The following SEPTIN8 variants were observed in gnomAD, a reference collection of about 807,000 sequenced individuals.
SEPTIN8 encodes septin-8.
Under a neutral mutation model 53.1 loss-of-function variants are expected in SEPTIN8, and 22 were observed. The observed-to-expected ratio is 0.41, with a 90% CI of 0.30 to 0.59. SEPTIN8 has a LOEUF of 0.59. Among genes scored for constraint, SEPTIN8 ranks in the 20% least tolerant of loss-of-function variants. The pLI is 0.24. For synonymous variants in SEPTIN8, 228 were observed against 248.4 expected (o/e 0.92, Z 0.77); for missense variants, 536 against 638.7 (o/e 0.84, Z 1.73).
intron 1 of SEPTIN8, among the ~76,000 whole-genome samples, chr5:132,770,075 ATATATG>A (rs1246601294): frequency 1.7e-5 from 1 of 60,176 alleles, no homozygotes; most frequent in Non-Finnish European, 2.3e-5. Flanking sequence ...ATATATATAT[ATATATG>A]TATATATGTA....
intron 1 of SEPTIN8, among the ~76,000 whole-genome samples, chr5:132,770,008 T>TACAC (rs1267557169): frequency 2.3e-4 from 12 of 52,216 alleles, no homozygotes; most frequent in African/African-American, 9.0e-4. Flanking sequence ...TATATATATA[T>TACAC]ATATATATAT....
At position 132,776,965 on chromosome 5, in the gene SEPTIN8, G is replaced by T. The variant is rs1757860823; in HGVS notation, c.30+143C>A. 4 of 413,172 alleles carry T rather than the reference G, an allele frequency of 9.7e-6. No individual in the cohort carries two copies. Among genetic ancestry groups the T allele is most frequent in the Non-Finnish European group, 7.1e-6 (2 of 280,026 alleles). The allele number at this position is 413,172 out of a possible 1,614,324, so 25.6% of individuals were successfully genotyped here. On this transcript the variant is annotated intron_variant, in intron 1 of 9. Transcript: ENST00000378719. The surrounding 1 kb of genome is among the most constrained non-coding windows in gnomAD (Gnocchi z 4.4). ...CCCCCGATAGCGCGGCCGAGAGCCC[G>T]CGCCGGGGTCCTCGAGCTGGCCCGG...
intron 9 of SEPTIN8, chr5:132,756,375 C>G: frequency 1.0e-6 from 1 of 984,282 alleles, no homozygotes; most frequent in Non-Finnish European, 1.2e-6. Context: ...CCAATTTGGG[C>G]AACGAATTAT....
At position 132,769,651 on chromosome 5, in the gene SEPTIN8, C is replaced by A. The variant is rs145304428; in HGVS notation, c.31-4122G>T. Among the ~76,000 whole-genome samples, 3 of 152,124 alleles carry A rather than the reference C, an allele frequency of 2.0e-5. No individual in the cohort carries two copies. In the East Asian group the frequency reaches 5.8e-4, roughly 29 times the overall value. ...CAGCCTCCCCATTGTCTAGATGAGA[C>A]AATAGAGGCATCAAGAGAGTGTGTA... On this transcript the variant is annotated intron_variant, in intron 1 of 9. Transcript: ENST00000378719.
chr5:132,774,785 C>T lies in SEPTIN8; in HGVS notation c.30+2323G>A, dbSNP rs895964165. The stretch of plus-strand genomic sequence containing the variant: ...TAGACCTGTCATGGCTCCATCACAT[C>T]CTGGGGCTTGCGAGACACCTCAGCA... On this transcript the variant is annotated intron_variant, in intron 1 of 9. Transcript: ENST00000378719. 7.9e-5 allele frequency among the ~76,000 whole-genome samples: 12 copies of T among 152,174 alleles called. 1 individual carries two copies. The highest frequency in any genetic ancestry group is 1.5e-4 in the Non-Finnish European group (10 of 68,028).
In SEPTIN8 at chr5:132,751,675, G is replaced by T. The variant is rs756086309; in HGVS notation, c.*341C>A. 17 of 517,700 alleles carry T rather than the reference G, an allele frequency of 3.3e-5. No homozygotes were observed. The highest frequency in any genetic ancestry group is 5.8e-5 in the African/African-American group (3 of 51,534). The allele number at this position is 517,700 out of a possible 1,614,324, so 32.1% of individuals were successfully genotyped here. A position where few individuals can be genotyped will look rare whatever the true frequency, so the allele number is the denominator to read the frequency against. On this transcript the variant is annotated 3_prime_UTR_variant, in exon 10 of 10. Coordinates refer to ENST00000378719, the MANE Select transcript of SEPTIN8 (RefSeq NM_001098811.2). ...TTTTCTGCTACCTTGGTCTTGAATA[G>T]TATGTTTCTATTTTTCAGAATGGAA...
At chr5:132,757,962 G>A (rs1188994288) in intron 9 of SEPTIN8, 18 of 986,176 alleles carry the variant, frequency 1.8e-5, no homozygotes, top group Non-Finnish European at 2.2e-5. Flanking sequence ...GGATTTGCTT[G>A]GGAGTCTTAA....
Position 132,751,163 on chromosome 5 carries a change from C to G in SEPTIN8, c.*853G>C. The stretch of plus-strand genomic sequence containing the variant: ...GACATACGGAAGAGTGAAAAGGTAT[C>G]TTAAATCCAACACAGTTCCACCAGA... On this transcript the variant is annotated 3_prime_UTR_variant, in exon 10 of 10. Coordinates refer to ENST00000378719, the MANE Select transcript of SEPTIN8 (RefSeq NM_001098811.2). 1.5e-6 allele frequency: 1 copy of G among 655,352 alleles called. No individual in the cohort carries two copies. The highest frequency in any genetic ancestry group is 2.4e-6 in the Non-Finnish European group (1 of 413,738). The allele number at this position is 655,352 out of a possible 1,614,324, so 40.6% of individuals were successfully genotyped here.
chr5:132,751,108 C>T lies in SEPTIN8; in HGVS notation c.*908G>A, dbSNP rs765926958. 2 of 1,253,428 alleles carry T rather than the reference C, an allele frequency of 1.6e-6. No homozygotes were observed. The highest frequency in any genetic ancestry group is 3.0e-5 in the African/African-American group (2 of 67,484). The allele number at this position is 1,253,428 out of a possible 1,614,324, so 77.6% of individuals were successfully genotyped here. On this transcript the variant is annotated 3_prime_UTR_variant, in exon 10 of 10. Coordinates refer to ENST00000378719, the MANE Select transcript of SEPTIN8 (RefSeq NM_001098811.2). Reference sequence around the variant, plus strand: ...AGGCGTGCACACGCCCTTGCACATGCACCACAGTGAGGTGACGCACAAGGC... The same window carrying T: ...AGGCGTGCACACGCCCTTGCACATGTACCACAGTGAGGTGACGCACAAGGC...
rs1193487460 is a variant in SEPTIN8 at position 132,764,370 on chromosome 5, C to T, written c.201G>A (p.Thr67=). The T allele has an allele frequency of 3.7e-6, 6 of 1,614,014 alleles. No individual in the cohort carries two copies. Among genetic ancestry groups the T allele is most frequent in the South Asian group, 1.1e-5 (1 of 91,070 alleles). Reference sequence around the variant, plus strand: ...GACTGGCTTCCTCAGTCTCGAAGGTCGTGTTGAAGAGTGTGTTCATCAGTG... The same window carrying T: ...GACTGGCTTCCTCAGTCTCGAAGGTTGTGTTGAAGAGTGTGTTCATCAGTG... ...KSTLMNTLFN[T]TFETEEASHH... is the part of the protein sequence containing the mutation. Residue 67 remains threonine, a synonymous_variant, in exon 3 of 10, where the codon ACG becomes ACA. Transcript: ENST00000378719.
chr5:132,776,333 G>A lies in SEPTIN8; in HGVS notation c.30+775C>T, dbSNP rs932255454. Among the ~76,000 whole-genome samples the A allele has an allele frequency of 2.6e-5, 4 of 152,294 alleles. No individual in the cohort carries two copies. The South Asian group carries it at 8.3e-4, about 32-fold the overall frequency. On this transcript the variant is annotated intron_variant, in intron 1 of 9. Transcript: ENST00000378719. The surrounding 1 kb of genome is among the most constrained non-coding windows in gnomAD (Gnocchi z 4.4). ...AACCCCCCAAAGGCCTCCCTCCCGC[G>A]AGTGAATTATGAAAGCCTTTAGTAA...
rs377278808 is a variant in SEPTIN8 at position 132,752,913 on chromosome 5, A to G, written c.1287-732T>C. On this transcript the variant is annotated intron_variant, in intron 9 of 9. Transcript: ENST00000378719. ...GCTGCAAGGAACTTGTAATGCAGCAACTGAGAAGTCTTCAGTCATCCTCCT... is the reference window on the plus strand; with the variant it reads ...GCTGCAAGGAACTTGTAATGCAGCAGCTGAGAAGTCTTCAGTCATCCTCCT... 1.4e-5 allele frequency: 22 copies of G among 1,614,074 alleles called. No individual in the cohort carries two copies. The African/African-American group carries it at 2.9e-4, about 22-fold the overall frequency.
At chr5:132,758,688 A>G in intron 9 of SEPTIN8, 2 of 1,600,152 alleles carry the variant, frequency 1.2e-6, no homozygotes, top group Non-Finnish European at 1.7e-6. Context: ...CAAGGCTGTA[A>G]ACACTGGAGT....
At chr5:132,768,514 A>G (rs904516259) in intron 1 of SEPTIN8, among the ~76,000 whole-genome samples, 2 of 152,236 alleles carry the variant, frequency 1.3e-5, no homozygotes, top group African/African-American at 4.8e-5. Flanking sequence ...TGCTCCAGGC[A>G]TCTCTACCAA....
chr5:132,764,464 G>A lies in SEPTIN8; in HGVS notation c.152-45C>T, dbSNP rs191247046. On this transcript the variant is annotated intron_variant, in intron 2 of 9. Coordinates refer to ENST00000378719, the MANE Select transcript of SEPTIN8 (RefSeq NM_001098811.2). ...GGGGAAGAAGTGGGTGTCATAGGCTGGAAATGGGCTGTCCTTGACTGGTGG... is the reference window on the plus strand; with the variant it reads ...GGGGAAGAAGTGGGTGTCATAGGCTAGAAATGGGCTGTCCTTGACTGGTGG... 209 of 1,525,190 alleles carry A rather than the reference G, an allele frequency of 1.4e-4. 1 individual carries two copies. The African/African-American group carries it at 2.6e-3, about 19-fold the overall frequency. 94.5% of individuals were successfully genotyped at this position (1,525,190 alleles called of 1,614,324 possible).
chr5:132,758,026 G>A (rs1755503667), intron 9 of SEPTIN8: 5 of 990,194 alleles, frequency 5.0e-6, no homozygotes, highest in Non-Finnish European at 6.0e-6. Flanking sequence ...TCTACAGGTA[G>A]CACCTCTGGG....
rs1485217668 is a variant in SEPTIN8 at position 132,761,166 on chromosome 5, C to T, written c.1062G>A (p.Glu354=). Residue 354 remains glutamate (E), a synonymous_variant, in exon 8 of 10, where the codon GAG becomes GAA. Transcript: ENST00000378719. The surrounding 1 kb of genome is among the most constrained non-coding windows in gnomAD (Gnocchi z 5.8). Reference sequence around the variant, plus strand: ...CCTTCTCCTTCAGCTCCAGCTCTGTCTCCTTCACTTTGTTGACAAACATCT... The same window carrying T: ...CCTTCTCCTTCAGCTCCAGCTCTGTTTCCTTCACTTTGTTGACAAACATCT... ...MRQMFVNKVK[E]TELELKEKER... is the part of the protein sequence containing the mutation. The T allele has an allele frequency of 8.7e-6, 14 of 1,614,254 alleles. No homozygotes were observed. Among genetic ancestry groups the T allele is most frequent in the Non-Finnish European group, 1.2e-5 (14 of 1,180,044 alleles).
Position 132,765,532 on chromosome 5 carries a change from G to T in SEPTIN8, c.31-3C>A, listed in dbSNP as rs1258470410. 6.3e-7 allele frequency: 1 copy of T among 1,585,750 alleles called. No individual in the cohort carries two copies. The highest frequency in any genetic ancestry group is 1.4e-5 in the African/African-American group (1 of 73,554). On this transcript the variant is annotated splice_polypyrimidine_tract_variant and splice_region_variant and intron_variant, in intron 1 of 9. Transcript: ENST00000378719. ...CTCCGGGGCTCTGGCTCTGCATTCTGCCAAGAGAGAAATAAAGCAAGACAT... is the reference window on the plus strand; with the variant it reads ...CTCCGGGGCTCTGGCTCTGCATTCTTCCAAGAGAGAAATAAAGCAAGACAT...
intron 1 of SEPTIN8, among the ~76,000 whole-genome samples, chr5:132,775,138 T>G (rs1757670400): frequency 1.3e-5 from 2 of 152,086 alleles, no homozygotes; most frequent in African/African-American, 4.8e-5. Flanking sequence ...CAGTCCCCTC[T>G]CTGTGCCCTG....
Sources: allele counts gnomAD v4.1 joint callset (sites outside exome capture counted in the v4.1 genomes callset), GRCh38; gene constraint gnomAD v4.1.1; non-coding constraint Gnocchi (gnomAD v3.1); transcripts MANE v1.5; gene names NCBI Gene and HGNC (gene_info 2026-07-23, HGNC 2026-07-21).